TENM2: variants seen among roughly 807,000 people sequenced by gnomAD.
TENM2 encodes teneurin-2.
In TENM2, 52 loss-of-function variants were observed where a neutral mutation model predicts 245.2. The observed-to-expected ratio is 0.21, with a 90% CI of 0.17 to 0.27. TENM2 has a LOEUF of 0.27. TENM2 is among the 10% of genes least tolerant of loss of function. TENM2 has a pLI of 1.00. For missense variants in TENM2, 3,046 were observed against 3,666.8 expected, an observed-to-expected ratio of 0.83 and a Z score of 4.37; for synonymous variants, 1,363 against 1,438.9, an observed-to-expected ratio of 0.95 and a Z score of 1.19.
At chr5:167,217,326 A>C in the TENM2 span, among the ~76,000 whole-genome samples, 1 of 152,176 alleles carries the variant, frequency 6.6e-6, no homozygotes, top group East Asian at 1.9e-4. Flanking sequence ...CTTTTAAAAC[A>C]ATTATTATTA....
intron 2 of TENM2, among the ~76,000 whole-genome samples, chr5:167,548,615 G>C (rs559662199): frequency 6.6e-6 from 1 of 151,972 alleles, no homozygotes; most frequent in Non-Finnish European, 1.5e-5. Context: ...CACCAATTTT[G>C]TTTCATTCTA....
intron 2 of TENM2, chr5:167,755,316 T>A: frequency 1.5e-6 from 1 of 647,628 alleles, no homozygotes; most frequent in African/African-American, 1.8e-5. Flanking sequence ...GACTTGACGG[T>A]GAAACTATTT....
intron 2 of TENM2, among the ~76,000 whole-genome samples, chr5:167,745,682 C>T (rs1761510111): frequency 6.6e-6 from 1 of 152,138 alleles, no homozygotes; most frequent in South Asian, 2.1e-4. Flanking sequence ...ATCTACTCTA[C>T]CCCCAGTCCT....
intron 2 of TENM2, among the ~76,000 whole-genome samples, chr5:167,793,300 T>A: frequency 6.6e-6 from 1 of 152,138 alleles, no homozygotes; most frequent in Non-Finnish European, 1.5e-5. Flanking sequence ...TAAAAATGGG[T>A]TATAATAATA....
At chr5:167,313,912 C>G (rs1756194457) in intron 1 of TENM2, among the ~76,000 whole-genome samples, 1 of 152,142 alleles carries the variant, frequency 6.6e-6, no homozygotes, top group African/African-American at 2.4e-5. Flanking sequence ...TAAAGAACGT[C>G]CAGATGTCCT....
At chr5:168,205,699 G>C (rs753165519) in intron 19 of TENM2, among the ~76,000 whole-genome samples, 1 of 152,144 alleles carries the variant, frequency 6.6e-6, no homozygotes, top group Admixed American at 6.5e-5. Flanking sequence ...TGTGGCAGGA[G>C]GGTGGTGAGC....
intron 2 of TENM2, among the ~76,000 whole-genome samples, chr5:167,854,835 C>T (rs1770921242): frequency 6.6e-6 from 1 of 152,136 alleles, no homozygotes; most frequent in South Asian, 2.1e-4. Flanking sequence ...ATTGCCATTA[C>T]CTTCAAAATG....
intron 2 of TENM2, among the ~76,000 whole-genome samples, chr5:167,539,297 G>A (rs936299256): frequency 1.3e-5 from 2 of 152,088 alleles, no homozygotes; most frequent in Non-Finnish European, 2.9e-5. Flanking sequence ...ATAACTGTGT[G>A]AATTTGAAGC....
intron 25 of TENM2, among the ~76,000 whole-genome samples, chr5:168,237,483 C>A (rs1472388157): frequency 6.6e-6 from 1 of 151,946 alleles, no homozygotes; most frequent in Non-Finnish European, 1.5e-5. Flanking sequence ...AAGATAAAGT[C>A]CCGACTCACC....
the TENM2 span, among the ~76,000 whole-genome samples, chr5:167,130,977 C>T: frequency 7.2e-6 from 1 of 138,784 alleles, no homozygotes; most frequent in Non-Finnish European, 1.5e-5. Context: ...TTAGCTGCTG[C>T]ATTTTGAACT....
At chr5:167,672,046 A>G (rs1185588147) in intron 2 of TENM2, among the ~76,000 whole-genome samples, 1 of 152,030 alleles carries the variant, frequency 6.6e-6, no homozygotes, top group Non-Finnish European at 1.5e-5. Context: ...TAATATATGC[A>G]TTCTTTAAAA....
intron 12 of TENM2, among the ~76,000 whole-genome samples, chr5:168,139,870 G>A (rs900029156): frequency 6.6e-6 from 1 of 152,168 alleles, no homozygotes; most frequent in Non-Finnish European, 1.5e-5. Flanking sequence ...CAATTTTTCA[G>A]TAGAGGCCAG....
intron 2 of TENM2, among the ~76,000 whole-genome samples, chr5:167,527,360 A>G (rs1487842876): frequency 3.3e-5 from 5 of 152,250 alleles, no homozygotes; most frequent in Middle Eastern, 3.4e-3. Flanking sequence ...TGTGTACAGG[A>G]TATCAAATAT....
At chr5:167,038,958 A>G in the TENM2 span, among the ~76,000 whole-genome samples, 1 of 152,202 alleles carries the variant, frequency 6.6e-6, no homozygotes, top group Non-Finnish European at 1.5e-5. Context: ...TGACAGGATG[A>G]TGAAGCATCT....
intron 2 of TENM2, among the ~76,000 whole-genome samples, chr5:167,423,367 C>T (rs1763625186): frequency 6.6e-6 from 1 of 152,098 alleles, no homozygotes; most frequent in East Asian, 1.9e-4. Context: ...ACCTTTTGGA[C>T]TTATTGTTGG....
At chr5:168,207,367 C>T (rs1409677951) in intron 19 of TENM2, among the ~76,000 whole-genome samples, 2 of 152,174 alleles carry the variant, frequency 1.3e-5, no homozygotes, top group African/African-American at 2.4e-5. Context: ...ATGGTGCAAG[C>T]TAAGGGCCCA....
chr5:167,243,367 A>G, the TENM2 span, among the ~76,000 whole-genome samples: 1 of 152,162 alleles, frequency 6.6e-6, no homozygotes, highest in Non-Finnish European at 1.5e-5. Flanking sequence ...AGGTTCCTGC[A>G]GGATTTTACC....
At chr5:167,813,831 C>G (rs1180839956) in intron 2 of TENM2, among the ~76,000 whole-genome samples, 1 of 152,114 alleles carries the variant, frequency 6.6e-6, no homozygotes, top group Admixed American at 6.5e-5. Context: ...AATCCTTGAA[C>G]CTGTGCTATA....
chr5:167,823,315 G>T (rs1345458237), intron 2 of TENM2, among the ~76,000 whole-genome samples: 3 of 152,004 alleles, frequency 2.0e-5, no homozygotes, highest in Non-Finnish European at 4.4e-5. Flanking sequence ...GGCAGTGAAG[G>T]TAATTACCGA....
Sources: allele counts gnomAD v4.1 joint callset (sites outside exome capture counted in the v4.1 genomes callset), GRCh38; gene constraint gnomAD v4.1.1; transcripts MANE v1.5; gene names NCBI Gene and HGNC (gene_info 2026-07-23, HGNC 2026-07-21).